The following VPS45 variants were observed in gnomAD, a reference collection of about 807,000 sequenced individuals.
The protein encoded by VPS45 is vacuolar protein sorting-associated protein 45.
A neutral mutation model predicts 75.9 loss-of-function variants in VPS45; 35 were observed. The observed-to-expected ratio is 0.46, with a 90% CI of 0.35 to 0.61. The LOEUF (loss-of-function observed/expected upper bound fraction) is 0.61. Among genes scored for constraint, VPS45 ranks in the 20% least tolerant of loss-of-function variants. The pLI, the probability that VPS45 is intolerant of heterozygous loss-of-function variation, is 0.00. For synonymous variants in VPS45, 220 were observed against 238.2 expected (o/e 0.92, Z 0.70); for missense variants, 559 against 685.9 (o/e 0.81, Z 2.07).
chr1:150,105,674 G>T (rs1657282051), intron 13 of VPS45, among the ~76,000 whole-genome samples: 1 of 152,136 alleles, frequency 6.6e-6, no homozygotes, highest in Admixed American at 6.5e-5. Context: ...ATATTAAAAT[G>T]ATCATATTAC....
intron 7 of VPS45, among the ~76,000 whole-genome samples, chr1:150,078,112 T>C (rs1056328353): frequency 1.3e-5 from 2 of 152,244 alleles, no homozygotes; most frequent in Non-Finnish European, 2.9e-5. Flanking sequence ...TCCTAATCTC[T>C]TGCAAGAATA....
intron 14 of VPS45, among the ~76,000 whole-genome samples, chr1:150,132,168 G>T (rs1319956446): frequency 6.6e-6 from 1 of 152,016 alleles, no homozygotes. Context: ...CTTTGAATGG[G>T]TTTGTTTCCT....
chr1:150,068,458 G>A (rs782490049), intron 1 of VPS45, 172 bp from the exon 2 acceptor site: 9 of 501,784 alleles, frequency 1.8e-5, no homozygotes, highest in Admixed American at 4.1e-5. Flanking sequence ...AGGATAGAGC[G>A]TATTTTTCAT....
chr1:150,136,790 A>AAAG (rs1553813840), intron 14 of VPS45, among the ~76,000 whole-genome samples: 3 of 149,122 alleles, frequency 2.0e-5, no homozygotes, highest in Non-Finnish European at 3.0e-5. Context: ...AAAAAAAAAA[A>AAAG]GGTGTACCAC....
intron 13 of VPS45, among the ~76,000 whole-genome samples, chr1:150,100,019 T>G (rs1656893858): frequency 6.6e-6 from 1 of 152,064 alleles, no homozygotes; most frequent in South Asian, 2.1e-4. Context: ...AGAAATAAAG[T>G]GCATCCAAAC....
intron 13 of VPS45, among the ~76,000 whole-genome samples, chr1:150,104,342 T>G (rs115150614): frequency 6.6e-6 from 1 of 152,208 alleles, no homozygotes; most frequent in Non-Finnish European, 1.5e-5. Context: ...AAGGACATGA[T>G]ATCATTCTTT....
At chr1:150,101,001 A>G (rs1374101565) in intron 13 of VPS45, among the ~76,000 whole-genome samples, 1 of 152,198 alleles carries the variant, frequency 6.6e-6, no homozygotes, top group African/African-American at 2.4e-5. Flanking sequence ...ACAAATTTAC[A>G]AGAGAAAAAC....
rs375458787 is a variant in VPS45 at position 150,128,757 on chromosome 1, T to C, written c.1626-15952T>C. Among the ~76,000 whole-genome samples, 832 of 150,338 alleles carry C rather than the reference T, an allele frequency of 5.5e-3. 8 individuals are homozygous for C. Among genetic ancestry groups the C allele is most frequent in the Middle Eastern group, 0.028 (8 of 288 alleles). ...GATTTTCTTTCTTTTTTTTTTTCAG[T>C]GAGACAGAGTCTCGCTCTGTCGCCC... On this transcript the variant is annotated intron_variant, in intron 14 of 14. Coordinates refer to ENST00000644510, the MANE Select transcript of VPS45 (RefSeq NM_007259.5).
rs114416318 is a variant in VPS45, at chr1:150,106,100, A to G, written c.1494-4396A>G. Reference sequence around the variant, plus strand: ...CCCTATCTCTTAACCATATACAAAAATTAACTCAAGATGGATTAAAGGCCT... The same window carrying G: ...CCCTATCTCTTAACCATATACAAAAGTTAACTCAAGATGGATTAAAGGCCT... On this transcript the variant is annotated intron_variant, in intron 13 of 14. Transcript: ENST00000644510. 7.0e-3 allele frequency among the ~76,000 whole-genome samples: 1,065 copies of G among 152,316 alleles called. 7 individuals are homozygous for G. The highest frequency in any genetic ancestry group is 0.034 in the Middle Eastern group (10 of 294).
chr1:150,141,397 A>ATAC (rs1212050061), intron 14 of VPS45, among the ~76,000 whole-genome samples: 30 of 152,340 alleles, frequency 2.0e-4, no homozygotes, highest in African/African-American at 7.2e-4. Flanking sequence ...TTATATACAC[A>ATAC]TACACACACA....
chr1:150,077,664 C>T lies in VPS45; in HGVS notation c.577-5C>T, dbSNP rs1266646389. ...GCACAAACCATCTTTCTCTCTCACCCACAGCAAGTGATAACTAAAGAATAT... is the reference window on the plus strand; with the variant it reads ...GCACAAACCATCTTTCTCTCTCACCTACAGCAAGTGATAACTAAAGAATAT... On this transcript the variant is annotated splice_polypyrimidine_tract_variant and splice_region_variant and intron_variant, in intron 6 of 14. Coordinates refer to ENST00000644510, the MANE Select transcript of VPS45 (RefSeq NM_007259.5). The T allele has an allele frequency of 6.2e-6, 10 of 1,603,526 alleles. No homozygotes were observed. In the African/African-American group the frequency reaches 1.1e-4, roughly 17 times the overall value.
chr1:150,118,688 G>A (rs1553808974), intron 14 of VPS45, among the ~76,000 whole-genome samples: 2 of 152,168 alleles, frequency 1.3e-5, no homozygotes, highest in African/African-American at 4.8e-5. Flanking sequence ...TTACAAGAGT[G>A]AGCCACCGCA....
At chr1:150,068,008 G>T in intron 1 of VPS45, 58 bp downstream of exon 1, 2 of 1,504,154 alleles carry the variant, frequency 1.3e-6, no homozygotes, top group Non-Finnish European at 1.8e-6. Context: ...ACAATTGCTC[G>T]TCCCATTCCA....
chr1:150,091,259 C>T (rs1178147087), intron 10 of VPS45, among the ~76,000 whole-genome samples: 2 of 152,160 alleles, frequency 1.3e-5, no homozygotes, highest in African/African-American at 4.8e-5. Flanking sequence ...TATGGGGACT[C>T]AAAAGTATTT....
chr1:150,110,393 C>G lies in VPS45; in HGVS notation c.1494-103C>G, dbSNP rs587722726. 46 of 1,052,570 alleles carry G rather than the reference C, an allele frequency of 4.4e-5. No homozygotes were observed. In the African/African-American group the frequency reaches 1.5e-3, roughly 35 times the overall value. The allele number at this position is 1,052,570 out of a possible 1,614,324, so 65.2% of individuals were successfully genotyped here. A position where few individuals can be genotyped will look rare whatever the true frequency, so the allele number is the denominator to read the frequency against. ...TTCTATTCTGCTTTAATTCTGCTTC[C>G]TCCACCAAAAAAAAAGATTTAGAAA... On this transcript the variant is annotated intron_variant, in intron 13 of 14. Coordinates refer to ENST00000644510, the MANE Select transcript of VPS45 (RefSeq NM_007259.5).
At chr1:150,111,838 T>A (rs587644849) in intron 14 of VPS45, among the ~76,000 whole-genome samples, 34 of 152,356 alleles carry the variant, frequency 2.2e-4, no homozygotes, top group African/African-American at 7.9e-4. Flanking sequence ...AGGCCTTTTT[T>A]TAAGCCTGTA....
At chr1:150,113,776 G>C (rs1019997395) in intron 14 of VPS45, among the ~76,000 whole-genome samples, 4 of 151,822 alleles carry the variant, frequency 2.6e-5, no homozygotes, top group Admixed American at 2.6e-4. Flanking sequence ...GGCGCCTGTA[G>C]TCCCAGCTAC....
upstream of VPS45, chr1:150,067,772 A>C: frequency 7.3e-7 from 1 of 1,363,598 alleles, no homozygotes; most frequent in Admixed American, 1.8e-5. Flanking sequence ...GGGAGGAAGC[A>C]GCTGAGACCC....
chr1:150,144,636 G>A, intron 14 of VPS45, 73 bp from the exon 15 acceptor site: 1 of 1,323,812 alleles, frequency 7.6e-7, no homozygotes, highest in East Asian at 2.3e-5. Context: ...CTGGTTAGAT[G>A]TCCAGAGCAA....
Sources: allele counts gnomAD v4.1 joint callset (sites outside exome capture counted in the v4.1 genomes callset), GRCh38; gene constraint gnomAD v4.1.1; transcripts MANE v1.5; gene names NCBI Gene and HGNC (gene_info 2026-07-23, HGNC 2026-07-21).